Variants in PDZD2 observed in about 807,000 individuals in gnomAD.
PDZD2 encodes the protein PDZ domain-containing protein 2.
A neutral mutation model predicts 220.7 loss-of-function variants in PDZD2; 90 were observed. The ratio of observed to expected loss-of-function variants is 0.41; its 90% CI spans 0.34 to 0.49. The LOEUF (loss-of-function observed/expected upper bound fraction) is 0.49. PDZD2 is among the 20% of genes least tolerant of loss of function. The pLI, the probability that PDZD2 is intolerant of heterozygous loss-of-function variation, is 0.28. For missense variants in PDZD2, 3,174 were observed against 3,608.5 expected (o/e 0.88, Z 3.08); for synonymous variants, 1,375 against 1,450.5 (o/e 0.95, Z 1.18).
intron 1 of PDZD2, among the ~76,000 whole-genome samples, chr5:31,703,961 CTCTCTCTCTCTCTCTTTCTT>C (rs1246163044): frequency 1.1e-5 from 1 of 88,184 alleles, no homozygotes; most frequent in Admixed American, 1.4e-4. Flanking sequence ...CTCTCTTTCT[CTCTCTCTCTCTCTCTTTCTT>C]TCCTTTCTTT....
chr5:32,040,808 ACCTCTGC>A (rs1756045695), intron 7 of PDZD2, among the ~76,000 whole-genome samples: 1 of 69,158 alleles, frequency 1.4e-5, no homozygotes, highest in Admixed American at 1.6e-4. Flanking sequence ...AGTGGGGAGC[ACCTCTGC>A]CCAGCCGCCC....
Position 31,704,842 on chromosome 5 carries a change from C to T in PDZD2, c.-361+65405C>T, listed in dbSNP as rs137958980. ...AGAATGCACATTACTTCGGCTCTTA[C>T]AGAAACCTGGATTATATTGTGCAAA... On this transcript the variant is annotated intron_variant, in intron 1 of 24. Coordinates refer to ENST00000438447, the MANE Select transcript of PDZD2 (RefSeq NM_178140.4). 2.4e-4 allele frequency among the ~76,000 whole-genome samples: 37 copies of T among 152,276 alleles called. No homozygotes were observed. The East Asian group carries it at 7.0e-3, about 29-fold the overall frequency.
intron 2 of PDZD2, among the ~76,000 whole-genome samples, chr5:31,866,530 T>A (rs1006093957): frequency 6.6e-6 from 1 of 151,790 alleles, no homozygotes; most frequent in Non-Finnish European, 1.5e-5. Context: ...CTTAGGAGCC[T>A]CCCCGACGAT....
At chr5:31,997,905 C>T (rs1372658291) in intron 4 of PDZD2, among the ~76,000 whole-genome samples, 2 of 152,202 alleles carry the variant, frequency 1.3e-5, no homozygotes, top group Non-Finnish European at 2.9e-5. Context: ...TGCAGTGGCG[C>T]GATCTCGGCT....
intron 6 of PDZD2, among the ~76,000 whole-genome samples, chr5:32,036,966 T>C (rs1251538933): frequency 6.6e-6 from 1 of 152,230 alleles, no homozygotes; most frequent in Non-Finnish European, 1.5e-5. Context: ...GGTTCCATGC[T>C]GCGCAGTGAG....
intron 6 of PDZD2, among the ~76,000 whole-genome samples, chr5:32,015,866 G>A (rs912187409): frequency 2.0e-5 from 3 of 152,114 alleles, no homozygotes; most frequent in African/African-American, 7.2e-5. Context: ...AAAAAAAATG[G>A]AAGTAATGGT....
At chr5:31,986,525 T>C (rs889352239) in intron 3 of PDZD2, among the ~76,000 whole-genome samples, 4 of 152,146 alleles carry the variant, frequency 2.6e-5, no homozygotes, top group Admixed American at 2.0e-4. Context: ...TTGGAACCAA[T>C]AGACCTTCAT....
At chr5:32,043,740 G>T (rs1027050637) in intron 7 of PDZD2, among the ~76,000 whole-genome samples, 1 of 151,954 alleles carries the variant, frequency 6.6e-6, no homozygotes, top group Non-Finnish European at 1.5e-5. Flanking sequence ...TGATTCTCGC[G>T]CCTCAGCCTC....
At chr5:31,683,222 A>G (rs868851123) in intron 1 of PDZD2, among the ~76,000 whole-genome samples, 72 of 148,640 alleles carry the variant, frequency 4.8e-4, no homozygotes, top group African/African-American at 1.7e-3. Flanking sequence ...AAAAAAAAAA[A>G]AAAGAAAGAA....
intron 1 of PDZD2, among the ~76,000 whole-genome samples, chr5:31,647,733 A>G (rs1745186960): frequency 6.6e-6 from 1 of 152,216 alleles, no homozygotes; most frequent in African/African-American, 2.4e-5. Context: ...CTGCAGAGAC[A>G]CTTTTGCCAA....
At chr5:32,069,457 C>T in intron 14 of PDZD2, 112 bp from the exon 15 acceptor site, 1 of 684,996 alleles carries the variant, frequency 1.5e-6, no homozygotes, top group Non-Finnish European at 2.7e-6. Context: ...AATCCTTGGC[C>T]CTGTGGTTTG....
chr5:31,659,461 C>T (rs1006894069), intron 1 of PDZD2, among the ~76,000 whole-genome samples: 3 of 152,038 alleles, frequency 2.0e-5, no homozygotes, highest in Non-Finnish European at 4.4e-5. Flanking sequence ...ATGTCCCAAG[C>T]CAAGCTCACC....
At chr5:31,972,549 C>T (rs1400974137) in intron 2 of PDZD2, among the ~76,000 whole-genome samples, 1 of 152,176 alleles carries the variant, frequency 6.6e-6, no homozygotes, top group African/African-American at 2.4e-5. Context: ...AATCTTGGTT[C>T]ACTTCTGTGT....
rs546221558 is a variant in PDZD2 at position 31,641,545 on chromosome 5, A to ATTT, written c.-361+2109_-361+2110insTTT. ...TCCAGATAGTAGGGAGATGTGTGAG[A>ATTT]TATTTTTTTTTTTTGAGACTGGGTC... On this transcript the variant is annotated intron_variant, in intron 1 of 24. Coordinates refer to ENST00000438447, the MANE Select transcript of PDZD2 (RefSeq NM_178140.4). Among the ~76,000 whole-genome samples, 952 of 142,708 alleles carry ATTT rather than the reference A, an allele frequency of 6.7e-3. 9 individuals carry two copies. Among genetic ancestry groups the ATTT allele is most frequent in the African/African-American group, 0.026 (902 of 34,236 alleles). 93.6% of individuals were successfully genotyped at this position (142,708 alleles called of 152,430 possible). A position where few individuals can be genotyped will look rare whatever the true frequency, so the allele number is the denominator to read the frequency against.
In PDZD2 at chr5:31,799,109, C is replaced by T. The variant is rs1754228673; in HGVS notation, c.-140C>T. The stretch of plus-strand genomic sequence containing the variant: ...AAACAGCATAGTCTCGAGTAGGTGT[C>T]CCTAGGCTCATCTGCCAGCCTGAAC... On this transcript the variant is annotated 5_prime_UTR_variant, in exon 2 of 25. Transcript: ENST00000438447. 1 of 615,476 alleles carries T rather than the reference C, an allele frequency of 1.6e-6. No individual in the cohort carries two copies. The highest frequency in any genetic ancestry group is 2.7e-5 in the East Asian group (1 of 36,438). The allele number at this position is 615,476 out of a possible 1,614,324, so 38.1% of individuals were successfully genotyped here.
intron 2 of PDZD2, among the ~76,000 whole-genome samples, chr5:31,862,672 T>C (rs921105829): frequency 2.6e-5 from 4 of 151,656 alleles, no homozygotes; most frequent in Non-Finnish European, 4.4e-5. Context: ...GCAATTCTCC[T>C]ACCTCAGCCT....
chr5:31,815,245 CA>C (rs59040987), intron 2 of PDZD2, among the ~76,000 whole-genome samples: 21,420 of 58,188 alleles, frequency 0.37, 1,405 homozygotes, highest in Non-Finnish European at 0.42. Flanking sequence ...AACTCTGTCT[CA>C]AAAAAAAAAA....
At chr5:31,675,294 G>T (rs371183886) in intron 1 of PDZD2, among the ~76,000 whole-genome samples, 1 of 152,040 alleles carries the variant, frequency 6.6e-6, no homozygotes, top group Non-Finnish European at 1.5e-5. Flanking sequence ...CCTTCTCCCC[G>T]CTCCCACCCA....
At chr5:31,690,581 T>C (rs1407794593) in intron 1 of PDZD2, among the ~76,000 whole-genome samples, 1 of 152,174 alleles carries the variant, frequency 6.6e-6, no homozygotes, top group Non-Finnish European at 1.5e-5. Context: ...CCCTGTTCCT[T>C]AGCTGTGGCC....
Sources: allele counts gnomAD v4.1 joint callset (sites outside exome capture counted in the v4.1 genomes callset), GRCh38; gene constraint gnomAD v4.1.1; transcripts MANE v1.5; gene names NCBI Gene and HGNC (gene_info 2026-07-23, HGNC 2026-07-21).